The following CPT1A variants were observed in gnomAD, a reference collection of about 807,000 sequenced individuals.
CPT1A encodes the protein carnitine palmitoyltransferase 1A, also known as carnitine O-palmitoyltransferase 1, liver isoform.
In CPT1A, 64 loss-of-function variants were observed where a neutral mutation model predicts 100.8. The ratio of observed to expected loss-of-function variants is 0.63; its 90% CI spans 0.52 to 0.78. The LOEUF is 0.78. Among genes scored for constraint, CPT1A ranks in the 30% least tolerant of loss-of-function variants. CPT1A has a pLI of 0.00. For missense variants in CPT1A, 802 were observed against 1,034.1 expected (o/e 0.78, Z 3.08); for synonymous variants, 363 against 396.0 (o/e 0.92, Z 0.99).
At position 68,777,058 on chromosome 11, in the gene CPT1A, G is replaced by A. The variant is rs185087071; in HGVS notation, c.1459-1626C>T. Among the ~76,000 whole-genome samples the A allele has an allele frequency of 5.7e-3, 864 of 152,296 alleles. 5 individuals are homozygous for A. The highest frequency in any genetic ancestry group is 0.034 in the Middle Eastern group (10 of 294). ...ACAATCCAGGCTGACCTGAGCCAGC[G>A]AACGAACAGACTTGATCAGGTTCCA... On this transcript the variant is annotated intron_variant, in intron 12 of 18. Transcript: ENST00000265641.
intron 5 of CPT1A, among the ~76,000 whole-genome samples, chr11:68,802,648 G>A (rs1346178351): frequency 2.0e-5 from 3 of 151,852 alleles, no homozygotes; most frequent in African/African-American, 7.3e-5. Flanking sequence ...GCAGGAGAAT[G>A]GTGTGAACCC....
intron 5 of CPT1A, among the ~76,000 whole-genome samples, chr11:68,801,447 T>C (rs1041105207): frequency 6.6e-6 from 1 of 152,040 alleles, no homozygotes; most frequent in Non-Finnish European, 1.5e-5. Context: ...CTGGCCAACA[T>C]AGTAAAATCC....
At chr11:68,768,161 C>T (rs1392604900) in intron 14 of CPT1A, among the ~76,000 whole-genome samples, 1 of 138,778 alleles carries the variant, frequency 7.2e-6, no homozygotes, top group South Asian at 2.4e-4. Flanking sequence ...CTGGAAGCTC[C>T]GCCTCCCGGG....
chr11:68,793,248 T>A, intron 9 of CPT1A, 67 bp downstream of exon 9: 1 of 1,229,948 alleles, frequency 8.1e-7, no homozygotes, highest in South Asian at 1.3e-5. Context: ...CTTTGACACT[T>A]CCTAATTCTG....
chr11:68,840,668 G>A (rs1857136389), intron 1 of CPT1A, among the ~76,000 whole-genome samples: 1 of 152,226 alleles, frequency 6.6e-6, no homozygotes, highest in Admixed American at 6.5e-5. Context: ...AGTAAGATCG[G>A]CCCTCATCTT....
At chr11:68,834,430 C>A (rs1339541739) in intron 1 of CPT1A, among the ~76,000 whole-genome samples, 2 of 151,198 alleles carry the variant, frequency 1.3e-5, no homozygotes, top group Non-Finnish European at 2.9e-5. Context: ...AGGGAGACTT[C>A]GTCTCAAAAA....
At chr11:68,818,212 A>C (rs1856485496) in intron 1 of CPT1A, among the ~76,000 whole-genome samples, 1 of 152,104 alleles carries the variant, frequency 6.6e-6, no homozygotes, top group South Asian at 2.1e-4. Context: ...CAGTCTGCAG[A>C]GGCACCTTGA....
chr11:68,799,585 CA>C (rs369542198), intron 5 of CPT1A, among the ~76,000 whole-genome samples: 2 of 149,846 alleles, frequency 1.3e-5, no homozygotes, highest in South Asian at 2.1e-4. Flanking sequence ...CCCATCTCTA[CA>C]AAAAAAAACA....
At chr11:68,766,023 T>C (rs1854787044) in intron 14 of CPT1A, among the ~76,000 whole-genome samples, 1 of 151,996 alleles carries the variant, frequency 6.6e-6, no homozygotes, top group Non-Finnish European at 1.5e-5. Flanking sequence ...AGATGCGTGC[T>C]GCCATACCTG....
chr11:68,836,479 C>T (rs184042790), intron 1 of CPT1A, among the ~76,000 whole-genome samples: 3 of 150,392 alleles, frequency 2.0e-5, no homozygotes, highest in Admixed American at 1.3e-4. Flanking sequence ...GATCCTGCCT[C>T]GGAAAAAAAA....
chr11:68,775,959 A>G (rs1855128806), intron 12 of CPT1A, among the ~76,000 whole-genome samples: 2 of 152,258 alleles, frequency 1.3e-5, no homozygotes, highest in Admixed American at 1.3e-4. Context: ...ATAGCCAAAG[A>G]GTGGAAACAA....
At chr11:68,760,409 A>G (rs1946782716) in intron 16 of CPT1A, 71 bp from the exon 17 acceptor site, 1 of 1,219,508 alleles carries the variant, frequency 8.2e-7, no homozygotes, top group African/African-American at 1.5e-5. Context: ...CTTTGGGAAG[A>G]CGAGAAAAGC....
intron 3 of CPT1A, 134 bp from the exon 4 acceptor site, chr11:68,807,772 G>T: frequency 1.2e-6 from 1 of 820,800 alleles, no homozygotes; most frequent in Non-Finnish European, 2.0e-6. Context: ...GAAAGTCAGA[G>T]GGAGAGCACT....
At chr11:68,822,154 G>C (rs1856601524) in intron 1 of CPT1A, among the ~76,000 whole-genome samples, 1 of 152,098 alleles carries the variant, frequency 6.6e-6, no homozygotes, top group Non-Finnish European at 1.5e-5. Flanking sequence ...AAAGCAGAAA[G>C]ACTGCTTTAG....
intron 13 of CPT1A, chr11:68,773,840 G>A (rs1855065274): frequency 3.3e-6 from 1 of 304,792 alleles, no homozygotes; most frequent in African/African-American, 2.2e-5. Context: ...TCAAGCGTTG[G>A]GCGAGTGGGC....
intron 1 of CPT1A, 55 bp from the exon 2 acceptor site, chr11:68,815,542 A>T: frequency 6.4e-7 from 1 of 1,557,542 alleles, no homozygotes; most frequent in Non-Finnish European, 8.8e-7. Flanking sequence ...AGACACTAAA[A>T]AACCCTCATA....
chr11:68,822,981 G>A (rs1371034627), intron 1 of CPT1A, among the ~76,000 whole-genome samples: 3 of 152,128 alleles, frequency 2.0e-5, no homozygotes, highest in Non-Finnish European at 2.9e-5. Flanking sequence ...ATCTTCTTAG[G>A]GTGATGAAAA....
chr11:68,814,867 T>G (rs1057378805), intron 2 of CPT1A, among the ~76,000 whole-genome samples: 3 of 151,896 alleles, frequency 2.0e-5, no homozygotes, highest in African/African-American at 7.3e-5. Context: ...TTCTATTTTT[T>G]GTAGAGATGG....
At chr11:68,762,387 A>C (rs981890088) in intron 15 of CPT1A, among the ~76,000 whole-genome samples, 2 of 152,224 alleles carry the variant, frequency 1.3e-5, no homozygotes, top group Admixed American at 1.3e-4. Context: ...AGGAAGTAGA[A>C]TATGATTTGG....
Sources: allele counts gnomAD v4.1 joint callset (sites outside exome capture counted in the v4.1 genomes callset), GRCh38; gene constraint gnomAD v4.1.1; transcripts MANE v1.5; gene names NCBI Gene and HGNC (gene_info 2026-07-23, HGNC 2026-07-21).